Variants in ENC1 observed in about 807,000 individuals in gnomAD.
The protein encoded by ENC1 is ectoderm-neural cortex protein 1.
A neutral mutation model predicts 40.9 loss-of-function variants in ENC1; 19 were observed. The ratio of observed to expected loss-of-function variants is 0.46; its 90% CI spans 0.32 to 0.68. The LOEUF is 0.68. ENC1 is among the 30% of genes least tolerant of loss of function. The pLI, the probability that ENC1 is intolerant of heterozygous loss-of-function variation, is 0.03. For synonymous variants in ENC1, 285 were observed against 291.1 expected, an observed-to-expected ratio of 0.98 and a Z score of 0.21; for missense variants, 479 against 737.5, an observed-to-expected ratio of 0.65 and a Z score of 4.06.
rs146381927 is a variant in ENC1 at position 74,634,938 on chromosome 5, G to A, written c.1548C>T (p.Tyr516=). ...CSAYKFNSET[Y]QWTKVGDVTA... ...TCACATCTCCCACCTTGGTCCACTG[G>A]TAAGTCTCACTGTTGAATTTATAAG... Residue 516 remains tyrosine, a synonymous_variant, in exon 2 of 3, where the codon TAC becomes TAT. Coordinates refer to ENST00000302351, the MANE Select transcript of ENC1 (RefSeq NM_003633.4). 1.9e-6 allele frequency: 3 copies of A among 1,614,056 alleles called. No homozygotes were observed. The highest frequency in any genetic ancestry group is 1.7e-6 in the Non-Finnish European group (2 of 1,179,924).
At chr5:74,638,267 T>C (rs1051402676) in intron 1 of ENC1, among the ~76,000 whole-genome samples, 4 of 152,230 alleles carry the variant, frequency 2.6e-5, no homozygotes, top group African/African-American at 7.2e-5. Flanking sequence ...TGGGCTAAAA[T>C]ACTAACCTGC....
Position 74,630,012 on chromosome 5 carries a change from A to G in ENC1, c.*33-20T>C. On this transcript the variant is annotated intron_variant, in intron 2 of 2. Transcript: ENST00000302351. ...AGTGAGCTGAAATAGAAGGAAAAGGAAAAAAAACAAAACAAAAAAGCATGA... is the reference window on the plus strand; with the variant it reads ...AGTGAGCTGAAATAGAAGGAAAAGGGAAAAAAACAAAACAAAAAAGCATGA... 1 of 151,434 alleles carries G rather than the reference A, an allele frequency of 6.6e-6. No homozygotes were observed. Among genetic ancestry groups the G allele is most frequent in the East Asian group, 2.0e-4 (1 of 5,124 alleles). 9.4% of individuals were successfully genotyped at this position (151,434 alleles called of 1,614,324 possible).
intron 2 of ENC1, 143 bp downstream of exon 2, chr5:74,634,541 C>G: frequency 1.7e-6 from 1 of 597,110 alleles, no homozygotes; most frequent in Non-Finnish European, 3.0e-6. Context: ...TGGATAAGTT[C>G]TAGGGGCACC....
chr5:74,636,300 T>C lies in ENC1; in HGVS notation c.186A>G (p.Ala62=). Residue 62 remains alanine (A), a synonymous_variant, in exon 2 of 3, where the codon GCA becomes GCG. Coordinates refer to ENST00000302351, the MANE Select transcript of ENC1 (RefSeq NM_003633.4). The surrounding 1 kb of genome is among the most constrained non-coding windows in gnomAD (Gnocchi z 4.8). The part of the protein sequence containing the change: ...AGNRTFPCHR[A]VLAACSRYFE... ...AGTAGCGACTGCATGCAGCCAGCAC[T>C]GCCCGGTGGCAAGGGAAGGTCCTAT... 1 of 1,614,182 alleles carries C rather than the reference T, an allele frequency of 6.2e-7. No individual in the cohort carries two copies. The highest frequency in any genetic ancestry group is 1.3e-5 in the African/African-American group (1 of 75,030).
chr5:74,635,398 G>T lies in ENC1; in HGVS notation c.1088C>A (p.Thr363Asn), dbSNP rs763791861. 12 of 1,614,104 alleles carry T rather than the reference G, an allele frequency of 7.4e-6. No individual in the cohort carries two copies. The East Asian group carries it at 1.8e-4, about 24-fold the overall frequency. The stretch of plus-strand genomic sequence containing the variant: ...AGCCTTGGACCACTCCTCGTGCAGG[G>T]TATCATAAACCCAGACATCTTTTGA... ...GVSKDVWVYDTLHEEWSKAAP... is the reference protein window; with the variant it reads ...GVSKDVWVYDNLHEEWSKAAP... Residue 363 changes from threonine (T) to asparagine (N), a missense_variant, in exon 2 of 3, where the codon ACC becomes AAC. By Grantham distance (65) the Thr-to-Asn change is moderately conservative. Transcript: ENST00000302351. This position sits in a 1 kb window ranked among gnomAD's most constrained non-coding sequence, Gnocchi z 5.5.
intron 1 of ENC1, among the ~76,000 whole-genome samples, chr5:74,637,147 G>A (rs564773171): frequency 2.6e-5 from 4 of 152,208 alleles, no homozygotes; most frequent in South Asian, 2.1e-4. Flanking sequence ...ACCAAGTCTC[G>A]CTCTGTCACC....
At chr5:74,633,711 C>T (rs2112022835) in intron 2 of ENC1, among the ~76,000 whole-genome samples, 1 of 152,296 alleles carries the variant, frequency 6.6e-6, no homozygotes, top group East Asian at 1.9e-4. Flanking sequence ...GGATGTGAAG[C>T]TCAAGTTTAT....
chr5:74,631,675 G>C (rs1162608139), intron 2 of ENC1, among the ~76,000 whole-genome samples: 1 of 152,140 alleles, frequency 6.6e-6, no homozygotes, highest in Non-Finnish European at 1.5e-5. Flanking sequence ...CAAGGGTGAA[G>C]AGGATGTTAT....
chr5:74,630,698 A>C (rs908622258), intron 2 of ENC1, among the ~76,000 whole-genome samples: 1 of 152,180 alleles, frequency 6.6e-6, no homozygotes, highest in Admixed American at 6.5e-5. Flanking sequence ...TGTGAATATC[A>C]ATTCAAAGTG....
rs1034161892 is a variant in ENC1, at chr5:74,629,345, G to A, written c.*680C>T. 3 of 152,098 alleles carry A rather than the reference G, an allele frequency of 2.0e-5. No homozygotes were observed. Among genetic ancestry groups the A allele is most frequent in the African/African-American group, 4.8e-5 (2 of 41,422 alleles). The allele number at this position is 152,098 out of a possible 1,614,324, so 9.4% of individuals were successfully genotyped here. On this transcript the variant is annotated 3_prime_UTR_variant, in exon 3 of 3. Coordinates refer to ENST00000302351, the MANE Select transcript of ENC1 (RefSeq NM_003633.4). Reference sequence around the variant, plus strand: ...GGCATTGTTTCAGCATGCAGGCATCGAACAATAAATAGCTAAATCTATAAC... The same window carrying A: ...GGCATTGTTTCAGCATGCAGGCATCAAACAATAAATAGCTAAATCTATAAC...
rs771283848 is a variant in ENC1, at chr5:74,635,175, G to A, written c.1311C>T (p.Ala437=). The A allele has an allele frequency of 2.8e-5, 45 of 1,614,044 alleles. 1 individual carries two copies. Among genetic ancestry groups the A allele is most frequent in the South Asian group, 1.8e-4 (16 of 91,082 alleles). ...VAPLREGVSN[A]AVVSAKLKLF... is the part of the protein sequence containing the mutation. ...ACTTAAGTTTGGCACTCACTACTGCGGCGTTGCTAACGCCTTCTCGGAGTG... is the reference window on the plus strand; with the variant it reads ...ACTTAAGTTTGGCACTCACTACTGCAGCGTTGCTAACGCCTTCTCGGAGTG... Residue 437 remains alanine, a synonymous_variant, in exon 2 of 3, where the codon GCC becomes GCT. Transcript: ENST00000302351. This position sits in a 1 kb window ranked among gnomAD's most constrained non-coding sequence, Gnocchi z 5.5.
In ENC1 at chr5:74,627,607, A is replaced by G. The variant is rs1263666119; in HGVS notation, c.*2418T>C. On this transcript the variant is annotated 3_prime_UTR_variant, in exon 3 of 3. Coordinates refer to ENST00000302351, the MANE Select transcript of ENC1 (RefSeq NM_003633.4). ...CAAGAGAGGGACATTATGCAGCTCTAATCACTCTTATTCAAGACAGGTGTC... is the reference window on the plus strand; with the variant it reads ...CAAGAGAGGGACATTATGCAGCTCTGATCACTCTTATTCAAGACAGGTGTC... The G allele has an allele frequency of 6.6e-6, 1 of 152,610 alleles. No homozygotes were observed. Among genetic ancestry groups the G allele is most frequent in the Non-Finnish European group, 1.5e-5 (1 of 68,046 alleles). The allele number at this position is 152,610 out of a possible 1,614,324, so 9.5% of individuals were successfully genotyped here.
At chr5:74,638,501 CCA>C (rs1480579005) in intron 1 of ENC1, among the ~76,000 whole-genome samples, 2 of 152,310 alleles carry the variant, frequency 1.3e-5, no homozygotes, top group East Asian at 3.9e-4. Context: ...CCAGTAATTT[CCA>C]CAGTGACTTG....
rs765020924 is a variant in ENC1, at chr5:74,635,265, G to T, written c.1221C>A (p.Pro407=). 2 of 1,614,210 alleles carry T rather than the reference G, an allele frequency of 1.2e-6. No homozygotes were observed. The highest frequency in any genetic ancestry group is 1.7e-6 in the Non-Finnish European group (2 of 1,180,044). The change falls in exon 2 of 3, where the codon CCC becomes CCA. Residue 407 remains proline, a synonymous_variant. Coordinates refer to ENST00000302351, the MANE Select transcript of ENC1 (RefSeq NM_003633.4). This position sits in a 1 kb window ranked among gnomAD's most constrained non-coding sequence, Gnocchi z 5.5. Reference sequence around the variant, plus strand: ...GTTCTACCTGCTTTAGAGAGACTGAGGGGGAGGCCGGGAGGCAGCCAGTTG... The same window carrying T: ...GTTCTACCTGCTTTAGAGAGACTGATGGGGAGGCCGGGAGGCAGCCAGTTG... ...TAATGCLPAS[P]SVSLKQVEHY...
At chr5:74,630,931 A>G (rs540004631) in intron 2 of ENC1, among the ~76,000 whole-genome samples, 1 of 152,284 alleles carries the variant, frequency 6.6e-6, no homozygotes, top group South Asian at 2.1e-4. Flanking sequence ...GATTCATTTC[A>G]TGAGTTGTTT....
chr5:74,634,990 C>A lies in ENC1; in HGVS notation c.1496G>T (p.Gly499Val), dbSNP rs772724462. ...VLGNQIFIMG[G>V]DTEFSACSAY... ...AGAGCAGGCAGAGAATTCTGTATCA[C>A]CCCCCATAATAAAAATCTGGTTCCC... The change falls in exon 2 of 3, where the codon GGT becomes GTT. Residue 499 changes from glycine (G) to valine (V), a missense_variant. By Grantham distance (109) the Gly-to-Val change is moderately radical. Transcript: ENST00000302351. 6.2e-7 allele frequency: 1 copy of A among 1,613,934 alleles called. No homozygotes were observed.
intron 2 of ENC1, among the ~76,000 whole-genome samples, chr5:74,633,780 T>C (rs1747472767): frequency 6.6e-6 from 1 of 151,546 alleles, no homozygotes; most frequent in African/African-American, 2.4e-5. Context: ...ACCCCCTGCA[T>C]TGACTTCCTA....
At chr5:74,632,134 T>G (rs533824722) in intron 2 of ENC1, 1 of 152,220 alleles carries the variant, frequency 6.6e-6, no homozygotes, top group African/African-American at 2.4e-5. Flanking sequence ...TTTCCTTACC[T>G]TGTTCCAAGG....
At chr5:74,633,282 A>T (rs757988095) in intron 2 of ENC1, among the ~76,000 whole-genome samples, 3 of 152,196 alleles carry the variant, frequency 2.0e-5, no homozygotes, top group Non-Finnish European at 2.9e-5. Flanking sequence ...AGGCCTATTA[A>T]TTATTTGAGC....
Sources: gnomAD v4.1 joint callset for allele counts (sites outside exome capture counted in the v4.1 genomes callset) on GRCh38, gnomAD v4.1.1 for gene constraint, Gnocchi (gnomAD v3.1) non-coding constraint, MANE v1.5 for transcripts, NCBI Gene and HGNC (gene_info 2026-07-23, HGNC 2026-07-21) for gene names.